Variants in ARMH1 observed in about 807,000 individuals in gnomAD.
The protein encoded by ARMH1 is armadillo-like helical domain containing protein 1.
In ARMH1, 34 loss-of-function variants were observed where a neutral mutation model predicts 50.2. The ratio of observed to expected loss-of-function variants is 0.68; its 90% confidence interval spans 0.51 to 0.90. The LOEUF (loss-of-function observed/expected upper bound fraction) is 0.90. Among genes scored for constraint, ARMH1 ranks in the 40% least tolerant of loss-of-function variants. ARMH1 has a pLI of 0.00. For missense variants in ARMH1, 538 were observed against 553.9 expected (o/e 0.97, Z 0.29); for synonymous variants, 221 against 224.2 (o/e 0.99, Z 0.13).
intron 1 of ARMH1, among the ~76,000 whole-genome samples, chr1:44,680,502 C>G (rs999819810): frequency 3.3e-5 from 5 of 152,166 alleles, no homozygotes; most frequent in Admixed American, 3.3e-4. Flanking sequence ...GCCTTGAGTG[C>G]CATATTGGGT....
intron 1 of ARMH1, among the ~76,000 whole-genome samples, chr1:44,686,668 T>C (rs1362542660): frequency 1.3e-5 from 2 of 152,012 alleles, no homozygotes; most frequent in African/African-American, 4.8e-5. Flanking sequence ...AGAGTGAGAC[T>C]GCATCTCAAA....
chr1:44,720,356 T>TCCACCA (rs1329618848), intron 6 of ARMH1, among the ~76,000 whole-genome samples: 1 of 152,186 alleles, frequency 6.6e-6, no homozygotes, highest in African/African-American at 2.4e-5. Context: ...TCTGGGGTCA[T>TCCACCA]CCACCACCAG....
intron 2 of ARMH1, among the ~76,000 whole-genome samples, chr1:44,693,880 C>G (rs1334206467): frequency 6.6e-6 from 1 of 152,152 alleles, no homozygotes; most frequent in East Asian, 1.9e-4. Context: ...TCACCTCACC[C>G]TAGTCCTGGC....
intron 3 of ARMH1, 52 bp downstream of exon 3, chr1:44,697,222 A>G: frequency 2.1e-6 from 3 of 1,426,004 alleles, no homozygotes; most frequent in Non-Finnish European, 2.9e-6. Flanking sequence ...TCTCAGGCTC[A>G]TGATGTCTTT....
intron 5 of ARMH1, among the ~76,000 whole-genome samples, chr1:44,703,251 G>C (rs1646174795): frequency 6.6e-6 from 1 of 152,104 alleles, no homozygotes; most frequent in African/African-American, 2.4e-5. Flanking sequence ...AGCCGGCCTT[G>C]TTCCTGCACC....
rs959319012 is a variant in ARMH1, at chr1:44,725,552, G to A, written c.*149G>A. 6 of 740,448 alleles carry A rather than the reference G, an allele frequency of 8.1e-6. No individual in the cohort carries two copies. Among genetic ancestry groups the A allele is most frequent in the Admixed American group, 5.2e-5 (2 of 38,112 alleles). 45.9% of individuals were successfully genotyped at this position (740,448 alleles called of 1,614,324 possible). A position where few individuals can be genotyped will look rare whatever the true frequency, so the allele number is the denominator to read the frequency against. On this transcript the variant is annotated 3_prime_UTR_variant, in exon 12 of 12. Transcript: ENST00000535358. ...ATCCCAGAGGGGCAGAGGAAGAGCC[G>A]CTGGCTGCGAAGAGTCAATAAACAG...
intron 2 of ARMH1, 40 bp downstream of exon 2, chr1:44,689,943 G>C (rs1273176376): frequency 2.0e-6 from 3 of 1,521,190 alleles, no homozygotes; most frequent in Non-Finnish European, 2.7e-6. Context: ...TTAGGCACCG[G>C]GCACGGTGGC....
At chr1:44,677,731 G>A (rs1645184545) in intron 1 of ARMH1, among the ~76,000 whole-genome samples, 1 of 152,162 alleles carries the variant, frequency 6.6e-6, no homozygotes, top group Admixed American at 6.5e-5. Flanking sequence ...AAGGGAAGAG[G>A]ATGCCCGTGA....
At chr1:44,694,496 T>A (rs1223688225) in intron 2 of ARMH1, among the ~76,000 whole-genome samples, 6 of 133,646 alleles carry the variant, frequency 4.5e-5, no homozygotes, top group Admixed American at 8.8e-5. Context: ...TTATTGAGTC[T>A]TTTTCTTTTT....
Position 44,682,152 on chromosome 1 carries a change from A to T in ARMH1, c.-23+7279A>T, listed in dbSNP as rs1397844309. Among the ~76,000 whole-genome samples, 1 of 152,234 alleles carries T rather than the reference A, an allele frequency of 6.6e-6. No individual in the cohort carries two copies. The highest frequency in any genetic ancestry group is 6.5e-5 in the Admixed American group (1 of 15,292). ...CAGAGCTAAGGAAATTAAAGTGCAC[A>T]TTCTGAGCACAGTGTGTTGGATGTC... On this transcript the variant is annotated intron_variant, in intron 1 of 11. Transcript: ENST00000535358. This position sits in a 1 kb window ranked among gnomAD's most constrained non-coding sequence, Gnocchi z 4.5.
At chr1:44,715,702 G>A (rs765345554) in intron 6 of ARMH1, among the ~76,000 whole-genome samples, 9 of 152,112 alleles carry the variant, frequency 5.9e-5, no homozygotes, top group Non-Finnish European at 1.3e-4. Flanking sequence ...TGGGATTACA[G>A]GCGCCCACCA....
At chr1:44,709,698 ATGGTGGCGCGCACC>A (rs2148709311) in intron 6 of ARMH1, among the ~76,000 whole-genome samples, 1 of 150,554 alleles carries the variant, frequency 6.6e-6, no homozygotes, top group South Asian at 2.1e-4. Flanking sequence ...TTATCTGAGC[ATGGTGGCGCGCACC>A]TGTAGTCCCA....
chr1:44,714,019 T>C (rs2148731787), intron 6 of ARMH1, among the ~76,000 whole-genome samples: 2 of 152,298 alleles, frequency 1.3e-5, no homozygotes, highest in African/African-American at 4.8e-5. Flanking sequence ...GGCTCACGCA[T>C]GTACCCAGCA....
chr1:44,724,167 C>T lies in ARMH1; in HGVS notation c.770C>T (p.Ala257Val). 5.8e-6 allele frequency: 9 copies of T among 1,551,646 alleles called. No homozygotes were observed. Among genetic ancestry groups the T allele is most frequent in the South Asian group, 2.4e-5 (2 of 84,028 alleles). The change falls in exon 7 of 12, where the codon GCG (alanine) becomes GTG (valine). Residue 257 changes from alanine to valine, a missense_variant. Ala to Val is a moderately conservative substitution (Grantham distance 64, BLOSUM62 0). Transcript: ENST00000535358. The surrounding 1 kb of genome is among the most constrained non-coding windows in gnomAD (Gnocchi z 6.4). ...KDLVGYDVRQ[A>V]LLKGLVALLI... ...CTGGTCGGTTACGATGTGCGCCAGG[C>T]GCTGCTCAAGGGCCTCGTGGCGCTG...
At position 44,709,539 on chromosome 1, in the gene ARMH1, G is replaced by T. The variant is rs558581419; in HGVS notation, c.724+5366G>T. Among the ~76,000 whole-genome samples, 4 of 152,234 alleles carry T rather than the reference G, an allele frequency of 2.6e-5. No homozygotes were observed. In the South Asian group the frequency reaches 8.3e-4, roughly 32 times the overall value. On this transcript the variant is annotated intron_variant, in intron 6 of 11. Transcript: ENST00000535358. ...TACAAAAAATTAGCCGGGCGTAGTG[G>T]CATGCGCCTGTAGTCCCACCTACAC... is the stretch of plus-strand genomic sequence containing the variant.
chr1:44,711,555 A>C (rs890044692), intron 6 of ARMH1, among the ~76,000 whole-genome samples: 2 of 152,134 alleles, frequency 1.3e-5, no homozygotes, highest in Admixed American at 6.5e-5. Context: ...CATATATTCT[A>C]GTTTCTGTGC....
chr1:44,694,177 G>A (rs748831080), intron 2 of ARMH1, among the ~76,000 whole-genome samples: 5 of 152,144 alleles, frequency 3.3e-5, no homozygotes, highest in African/African-American at 4.8e-5. Context: ...TAGATTCAGT[G>A]TTCTACACCT....
In ARMH1 at chr1:44,682,559, C is replaced by T. The variant is rs1645346115; in HGVS notation, c.-22-7117C>T. On this transcript the variant is annotated intron_variant, in intron 1 of 11. Coordinates refer to ENST00000535358, the MANE Select transcript of ARMH1 (RefSeq NM_001145636.2). This position sits in a 1 kb window ranked among gnomAD's most constrained non-coding sequence, Gnocchi z 4.5. ...ATTCTTTGGCCTGAAATGTTTGAAG[C>T]TTTATCCTCAGGTAGTAAGGAACCA... Among the ~76,000 whole-genome samples, 1 of 152,172 alleles carries T rather than the reference C, an allele frequency of 6.6e-6. No homozygotes were observed. The highest frequency in any genetic ancestry group is 1.5e-5 in the Non-Finnish European group (1 of 68,038).
chr1:44,724,188 C>G lies in ARMH1; in HGVS notation c.791C>G (p.Ala264Gly). Residue 264 changes from alanine to glycine, a missense_variant, in exon 7 of 12, where the codon GCG becomes GGG. Coordinates refer to ENST00000535358, the MANE Select transcript of ARMH1 (RefSeq NM_001145636.2). This position sits in a 1 kb window ranked among gnomAD's most constrained non-coding sequence, Gnocchi z 6.4. Reference sequence around the variant, plus strand: ...CAGGCGCTGCTCAAGGGCCTCGTGGCGCTGCTGATACCGTCGGTCAAGGAG... The same window carrying G: ...CAGGCGCTGCTCAAGGGCCTCGTGGGGCTGCTGATACCGTCGGTCAAGGAG... ...VRQALLKGLV[A>G]LLIPSVKEIS... 1 of 1,551,732 alleles carries G rather than the reference C, an allele frequency of 6.4e-7. No individual in the cohort carries two copies. The highest frequency in any genetic ancestry group is 1.2e-5 in the South Asian group (1 of 84,058).
Sources: gnomAD v4.1 joint callset for allele counts (sites outside exome capture counted in the v4.1 genomes callset) on GRCh38, gnomAD v4.1.1 for gene constraint, Gnocchi (gnomAD v3.1) non-coding constraint, MANE v1.5 for transcripts, NCBI Gene and HGNC (gene_info 2026-07-23, HGNC 2026-07-21) for gene names.